MTHFD2L: variants seen among roughly 807,000 people sequenced by gnomAD.
The protein encoded by MTHFD2L is bifunctional methylenetetrahydrofolate dehydrogenase/cyclohydrolase 2, mitochondrial.
In MTHFD2L, 29 loss-of-function variants were observed where a neutral mutation model predicts 34.9. The ratio of observed to expected loss-of-function variants is 0.83; its 90% CI spans 0.62 to 1.13. The LOEUF (loss-of-function observed/expected upper bound fraction) is 1.13, where lower values mean the gene tolerates loss of function less well. MTHFD2L is among the 50% of genes most tolerant of loss of function. The pLI, the probability that MTHFD2L is intolerant of heterozygous loss-of-function variation, is 0.00. For synonymous variants in MTHFD2L, 167 were observed against 155.7 expected (o/e 1.07, Z -0.54); for missense variants, 481 against 446.5 (o/e 1.08, Z -0.70).
intron 3 of MTHFD2L, among the ~76,000 whole-genome samples, chr4:74,191,074 T>C (rs935972671): frequency 3.3e-5 from 5 of 152,088 alleles, no homozygotes; most frequent in Non-Finnish European, 7.4e-5. Flanking sequence ...CTAATTTTAG[T>C]ATTTTTACTA....
intron 6 of MTHFD2L, among the ~76,000 whole-genome samples, chr4:74,226,859 G>C (rs1739247387): frequency 6.6e-6 from 1 of 152,158 alleles, no homozygotes; most frequent in Non-Finnish European, 1.5e-5. Flanking sequence ...CAAATAAACA[G>C]TAAAATATAA....
chr4:74,297,991 A>G (rs1014333865), intron 7 of MTHFD2L, among the ~76,000 whole-genome samples: 8 of 152,076 alleles, frequency 5.3e-5, no homozygotes, highest in Non-Finnish European at 1.0e-4. Context: ...CAAAGAATAT[A>G]TTAACACTAG....
At chr4:74,127,132 T>A (rs1346810391) in intron 1 of MTHFD2L, among the ~76,000 whole-genome samples, 2 of 152,164 alleles carry the variant, frequency 1.3e-5, no homozygotes, top group African/African-American at 4.8e-5. Context: ...TGTGAGTCAA[T>A]TATGCCTCTT....
chr4:74,253,347 T>C (rs1221898101), intron 6 of MTHFD2L, among the ~76,000 whole-genome samples: 1 of 152,178 alleles, frequency 6.6e-6, no homozygotes, highest in Non-Finnish European at 1.5e-5. Context: ...TAGCACTTGC[T>C]TCCTCACAGA....
chr4:74,128,256 A>G (rs563520488), intron 1 of MTHFD2L, among the ~76,000 whole-genome samples: 2 of 151,898 alleles, frequency 1.3e-5, no homozygotes, highest in African/African-American at 2.4e-5. Context: ...TGTAATCTCA[A>G]TTGTCAATTT....
Position 74,174,584 on chromosome 4 carries a change from G to T in MTHFD2L, c.222G>T (p.Trp74Cys). The change falls in exon 2 of 8, where the codon TGG becomes TGT. Residue 74 changes from tryptophan (W) to cysteine (C), a missense_variant. Transcript: ENST00000325278. ...AAATACAGCGAGGTGTGGAATCATG[G>T]GTTTCCCTTGGAAACAGAAGACCTC... The part of the protein sequence containing the change: ...QKEIQRGVES[W>C]VSLGNRRPHL... 1 of 1,607,496 alleles carries T rather than the reference G, an allele frequency of 6.2e-7. No homozygotes were observed. The highest frequency in any genetic ancestry group is 1.3e-5 in the African/African-American group (1 of 74,482).
chr4:74,119,141 G>A (rs574990440), upstream of MTHFD2L, among the ~76,000 whole-genome samples: 74 of 152,270 alleles, frequency 4.9e-4, no homozygotes, highest in South Asian at 1.2e-3. Flanking sequence ...TGGCAAGTGC[G>A]TTGATGTACT....
chr4:74,229,216 G>A (rs913608878), intron 6 of MTHFD2L, among the ~76,000 whole-genome samples: 1 of 152,118 alleles, frequency 6.6e-6, no homozygotes, highest in Non-Finnish European at 1.5e-5. Flanking sequence ...AGAAGTTAGG[G>A]ATAAAACATG....
intron 1 of MTHFD2L, among the ~76,000 whole-genome samples, chr4:74,141,067 T>C (rs948937005): frequency 6.6e-6 from 1 of 152,246 alleles, no homozygotes; most frequent in Non-Finnish European, 1.5e-5. Flanking sequence ...TATAATATTT[T>C]ATGAATGTAC....
chr4:74,147,464 G>T (rs1723663983), intron 1 of MTHFD2L, among the ~76,000 whole-genome samples: 1 of 152,088 alleles, frequency 6.6e-6, no homozygotes, highest in African/African-American at 2.4e-5. Context: ...ACTCTAATTT[G>T]GCATCTCCTT....
intron 3 of MTHFD2L, among the ~76,000 whole-genome samples, chr4:74,176,618 GATC>G (rs1186735699): frequency 6.6e-6 from 1 of 152,034 alleles, no homozygotes; most frequent in Non-Finnish European, 1.5e-5. Context: ...ACTGGTCACT[GATC>G]ATCATCTCAT....
At chr4:74,159,274 A>G (rs1326244919) in intron 1 of MTHFD2L, among the ~76,000 whole-genome samples, 1 of 152,226 alleles carries the variant, frequency 6.6e-6, no homozygotes, top group Admixed American at 6.5e-5. Flanking sequence ...CCACAAGGAT[A>G]TGTGAGAAAA....
chr4:74,153,056 C>T (rs1724039279), intron 1 of MTHFD2L, among the ~76,000 whole-genome samples: 1 of 152,090 alleles, frequency 6.6e-6, no homozygotes, highest in African/African-American at 2.4e-5. Context: ...TTGTTTATTC[C>T]TTGGCTGTGA....
At chr4:74,115,705 C>A (rs1386515225) in intron 2 of MTHFD2L, among the ~76,000 whole-genome samples, 1 of 152,142 alleles carries the variant, frequency 6.6e-6, no homozygotes, top group Non-Finnish European at 1.5e-5. Flanking sequence ...TGTGTGTTAA[C>A]CTGTGGTTTG....
intron 5 of MTHFD2L, among the ~76,000 whole-genome samples, chr4:74,208,140 T>A (rs1735670589): frequency 6.6e-6 from 1 of 152,158 alleles, no homozygotes; most frequent in Admixed American, 6.5e-5. Context: ...GAAAAGATGT[T>A]GGGGATATTA....
intron 6 of MTHFD2L, among the ~76,000 whole-genome samples, chr4:74,268,980 A>G (rs1276790755): frequency 6.6e-6 from 1 of 152,200 alleles, no homozygotes. Context: ...TATTTGTCAT[A>G]TAATGAATCA....
At chr4:74,211,224 A>G (rs1193798859) in intron 5 of MTHFD2L, among the ~76,000 whole-genome samples, 1 of 152,160 alleles carries the variant, frequency 6.6e-6, no homozygotes, top group Non-Finnish European at 1.5e-5. Context: ...ATTATATTGA[A>G]TAGGAATGGT....
At chr4:74,207,225 T>C (rs1018730170) in intron 5 of MTHFD2L, among the ~76,000 whole-genome samples, 1 of 152,190 alleles carries the variant, frequency 6.6e-6, no homozygotes, top group Non-Finnish European at 1.5e-5. Flanking sequence ...AAGTTTCTCT[T>C]GGCATACTTT....
chr4:74,166,852 C>CA (rs1479986515), intron 1 of MTHFD2L, among the ~76,000 whole-genome samples: 3 of 152,204 alleles, frequency 2.0e-5, no homozygotes, highest in African/African-American at 7.2e-5. Context: ...AGCCTATCCC[C>CA]AGGGACCCAA....
Sources: allele counts gnomAD v4.1 joint callset (sites outside exome capture counted in the v4.1 genomes callset), GRCh38; gene constraint gnomAD v4.1.1; transcripts MANE v1.5; gene names NCBI Gene and HGNC (gene_info 2026-07-23, HGNC 2026-07-21).